The following CCAR1 variants were observed in gnomAD, a reference collection of about 807,000 sequenced individuals.
CCAR1 encodes cell division cycle and apoptosis regulator protein 1.
CCAR1 carries 78 observed loss-of-function variants against 163.8 expected under a neutral mutation model. The observed-to-expected ratio is 0.48, with a 90% CI of 0.40 to 0.57. The LOEUF (loss-of-function observed/expected upper bound fraction) is 0.57. Among genes scored for constraint, CCAR1 ranks in the 20% least tolerant of loss-of-function variants. The pLI is 0.00. For missense variants in CCAR1, 1,019 were observed against 1,365.2 expected (o/e 0.75, Z 4.00); for synonymous variants, 443 against 460.7 (o/e 0.96, Z 0.49).
chr10:68,733,452 T>G (rs1274434735), intron 2 of CCAR1, among the ~76,000 whole-genome samples: 2 of 151,652 alleles, frequency 1.3e-5, no homozygotes, highest in African/African-American at 2.4e-5. Context: ...GGTGTTGTAA[T>G]GATTAGCACT....
chr10:68,747,285 G>T lies in CCAR1; in HGVS notation c.633+10G>T. On this transcript the variant is annotated intron_variant, in intron 7 of 24. Coordinates refer to ENST00000265872, the MANE Select transcript of CCAR1 (RefSeq NM_018237.4). ...AACACTACCAAATCAGGTACAGAAA[G>T]TATTGAGTTAGGTATTATAGAAGCT... 1 of 1,589,646 alleles carries T rather than the reference G, an allele frequency of 6.3e-7. No individual in the cohort carries two copies. The highest frequency in any genetic ancestry group is 8.6e-7 in the Non-Finnish European group (1 of 1,162,442).
intron 19 of CCAR1, among the ~76,000 whole-genome samples, chr10:68,773,717 A>AT (rs1224313642): frequency 6.6e-6 from 1 of 151,624 alleles, no homozygotes; most frequent in African/African-American, 2.4e-5. Flanking sequence ...CTAATTTTTT[A>AT]TTTTTTTAAT....
At chr10:68,786,519 A>AG (rs1554823700) in intron 20 of CCAR1, 27 bp from the exon 21 acceptor site, 5 of 1,522,260 alleles carry the variant, frequency 3.3e-6, no homozygotes, top group Non-Finnish European at 1.8e-6. Flanking sequence ...TTTGAATACT[A>AG]TGTTTTCTAC....
At chr10:68,779,534 C>T (rs1260173703) in intron 19 of CCAR1, among the ~76,000 whole-genome samples, 1 of 152,196 alleles carries the variant, frequency 6.6e-6, no homozygotes, top group Non-Finnish European at 1.5e-5. Flanking sequence ...GCCGGGATTA[C>T]AGGCGTGAGC....
intron 6 of CCAR1, among the ~76,000 whole-genome samples, chr10:68,744,278 AT>A (rs1339822514): frequency 6.6e-6 from 1 of 152,200 alleles, no homozygotes; most frequent in Non-Finnish European, 1.5e-5. Context: ...TTGAAATCTA[AT>A]TTTGAAATCT....
chr10:68,787,783 C>A (rs888458684), intron 21 of CCAR1, 144 bp from the exon 22 acceptor site: 3 of 660,842 alleles, frequency 4.5e-6, no homozygotes, highest in Non-Finnish European at 7.4e-6. Context: ...TGTAGTGAGT[C>A]GAGATCACAC....
intron 19 of CCAR1, among the ~76,000 whole-genome samples, chr10:68,783,571 C>A (rs1455380686): frequency 2.0e-5 from 3 of 152,150 alleles, no homozygotes; most frequent in South Asian, 4.1e-4. Flanking sequence ...AGTTCGAGAC[C>A]AGCCTGGCCA....
chr10:68,789,920 GAA>G lies in CCAR1; in HGVS notation c.3393+7_3393+8del. The G allele has an allele frequency of 6.6e-7, 1 of 1,522,224 alleles. No homozygotes were observed. The highest frequency in any genetic ancestry group is 8.8e-7 in the Non-Finnish European group (1 of 1,132,204). 94.3% of individuals were successfully genotyped at this position (1,522,224 alleles called of 1,614,324 possible). ...ATCCACACTGTTCTCAAGAAGGTGA[GAA>G]ATTTTGTACTTTTAACATTTTCTTA... On this transcript the variant is annotated splice_donor_region_variant and intron_variant, in intron 24 of 24. Coordinates refer to ENST00000265872, the MANE Select transcript of CCAR1 (RefSeq NM_018237.4).
chr10:68,730,084 G>A (rs2056014857), intron 2 of CCAR1, among the ~76,000 whole-genome samples: 1 of 151,404 alleles, frequency 6.6e-6, no homozygotes, highest in Non-Finnish European at 1.5e-5. Flanking sequence ...ACCACACCCA[G>A]CTAATTTTTG....
Position 68,742,441 on chromosome 10 carries a change from A to G in CCAR1, c.390A>G (p.Val130=). 6.2e-7 allele frequency: 1 copy of G among 1,614,208 alleles called. No homozygotes were observed. Among genetic ancestry groups the G allele is most frequent in the Middle Eastern group, 1.6e-4 (1 of 6,062 alleles). The change falls in exon 6 of 25, where the codon GTA becomes GTG. Residue 130 remains valine, a synonymous_variant. Transcript: ENST00000265872. The part of the protein sequence containing the change: ...STPQPTAQIT[V]SYPTPRSSQQ... ...CTCAGCCAACAGCACAAATAACTGTATCATATCCAACACCAAGGTCCAGTC... is the reference window on the plus strand; with the variant it reads ...CTCAGCCAACAGCACAAATAACTGTGTCATATCCAACACCAAGGTCCAGTC...
intron 20 of CCAR1, 104 bp from the exon 21 acceptor site, chr10:68,786,442 T>C: frequency 2.4e-6 from 2 of 820,954 alleles, no homozygotes; most frequent in Non-Finnish European, 3.8e-6. Flanking sequence ...GGCAAATATC[T>C]TATTAGATTA....
intron 6 of CCAR1, among the ~76,000 whole-genome samples, chr10:68,742,889 A>G (rs2056200663): frequency 6.6e-6 from 1 of 152,146 alleles, no homozygotes; most frequent in African/African-American, 2.4e-5. Context: ...AGGTGCTGGG[A>G]TTACAGGCGT....
At chr10:68,751,991 A>G (rs1187610487) in intron 10 of CCAR1, among the ~76,000 whole-genome samples, 2 of 137,592 alleles carry the variant, frequency 1.5e-5, no homozygotes, top group African/African-American at 5.5e-5. Context: ...ATCTCGGCCC[A>G]CTGCAAGCTT....
chr10:68,723,855 A>ATT lies in CCAR1; in HGVS notation c.73+1278_73+1279insTT. 2.0e-3 allele frequency among the ~76,000 whole-genome samples: 3 copies of ATT among 1,478 alleles called. No individual in the cohort carries two copies. In the Middle Eastern group the frequency reaches 0.25, roughly 123 times the overall value. 1.0% of individuals were successfully genotyped at this position (1,478 alleles called of 152,430 possible). On this transcript the variant is annotated intron_variant, in intron 2 of 24. Transcript: ENST00000265872. ...AGAGCAGGACTCCATCTCAAAAAGA[A>ATT]AAAAAAAAAAAGGTAAATTTAGGCT...
rs1012149629 is a variant in CCAR1 at position 68,776,712 on chromosome 10, C to G, written c.2650+3613C>G. On this transcript the variant is annotated intron_variant, in intron 19 of 24. Coordinates refer to ENST00000265872, the MANE Select transcript of CCAR1 (RefSeq NM_018237.4). ...GGACTACAGGTGCATGCCATTGCAC[C>G]CAGCTGTTTAATTTTTTGTAGAGAT... Among the ~76,000 whole-genome samples the G allele has an allele frequency of 2.5e-4, 38 of 152,208 alleles. 1 individual carries two copies. Among genetic ancestry groups the G allele is most frequent in the African/African-American group, 8.9e-4 (37 of 41,526 alleles).
chr10:68,775,265 A>G (rs1376677319), intron 19 of CCAR1, among the ~76,000 whole-genome samples: 2 of 152,146 alleles, frequency 1.3e-5, no homozygotes, highest in African/African-American at 4.8e-5. Flanking sequence ...TATTATTACT[A>G]TGTAATATCT....
intron 1 of CCAR1, chr10:68,721,541 C>A: frequency 2.2e-6 from 1 of 447,268 alleles, no homozygotes; most frequent in Non-Finnish European, 4.5e-6. Flanking sequence ...CTCGGCATGG[C>A]GACGCTGCAG....
At chr10:68,786,798 A>G (rs1371919824) in intron 21 of CCAR1, 106 bp downstream of exon 21, 3 of 1,014,158 alleles carry the variant, frequency 3.0e-6, no homozygotes, top group East Asian at 5.2e-5. Flanking sequence ...TTAAAGCAAT[A>G]TAAGGGCCAG....
chr10:68,754,553 C>T (rs950320241), intron 11 of CCAR1, among the ~76,000 whole-genome samples, 161 bp from the exon 12 acceptor site: 12 of 152,184 alleles, frequency 7.9e-5, no homozygotes, highest in African/African-American at 2.9e-4. Flanking sequence ...AATCCCAGCA[C>T]TTTGGGAGGC....
Sources: allele counts gnomAD v4.1 joint callset (sites outside exome capture counted in the v4.1 genomes callset), GRCh38; gene constraint gnomAD v4.1.1; transcripts MANE v1.5; gene names NCBI Gene and HGNC (gene_info 2026-07-23, HGNC 2026-07-21).